Variants in LIPC observed in about 807,000 individuals in gnomAD.
LIPC encodes the protein hepatic triacylglycerol lipase.
A neutral mutation model predicts 50.7 loss-of-function variants in LIPC; 44 were observed. The ratio of observed to expected loss-of-function variants is 0.87; its 90% confidence interval spans 0.68 to 1.11. The LOEUF (loss-of-function observed/expected upper bound fraction) is 1.11, where lower values mean the gene tolerates loss of function less well. LIPC is among the 50% of genes most tolerant of loss of function. The pLI is 0.00. For synonymous variants in LIPC, 271 were observed against 256.4 expected, an observed-to-expected ratio of 1.06 and a Z score of -0.54; for missense variants, 697 against 648.2, an observed-to-expected ratio of 1.08 and a Z score of -0.82.
chr15:58,481,646 A>AT (rs1194674511), intron 1 of LIPC, among the ~76,000 whole-genome samples: 17 of 152,040 alleles, frequency 1.1e-4, no homozygotes, highest in Non-Finnish European at 2.1e-4. Flanking sequence ...CTTCTAAAAA[A>AT]ATATAAAAAT....
intron 1 of LIPC, among the ~76,000 whole-genome samples, chr15:58,520,491 C>T (rs1176394246): frequency 6.6e-6 from 1 of 152,174 alleles, no homozygotes; most frequent in African/African-American, 2.4e-5. Flanking sequence ...GGAGGACTAG[C>T]CTTCGAAACC....
chr15:58,478,209 C>T (rs974179366), intron 1 of LIPC, among the ~76,000 whole-genome samples: 9 of 152,272 alleles, frequency 5.9e-5, no homozygotes, highest in Non-Finnish European at 5.9e-5. Context: ...GAGCCAGACA[C>T]TTCACAAACT....
chr15:58,517,175 T>G (rs1203703816), intron 1 of LIPC, among the ~76,000 whole-genome samples: 1 of 152,246 alleles, frequency 6.6e-6, no homozygotes, highest in Non-Finnish European at 1.5e-5. Context: ...TGAGTAGAAC[T>G]GTTAACTGCC....
rs549126883 is a variant in LIPC at position 58,507,105 on chromosome 15, T to C, written c.89-31228T>C. On this transcript the variant is annotated intron_variant, in intron 1 of 8. Transcript: ENST00000299022. ...TCTTCACCTGGTCCCTCCCAGGACA[T>C]GTGGGGATTATGGGAACTACAATTC... is the stretch of plus-strand genomic sequence containing the variant. Among the ~76,000 whole-genome samples the C allele has an allele frequency of 5.9e-5, 9 of 152,184 alleles. No individual in the cohort carries two copies. The South Asian group carries it at 1.5e-3, about 25-fold the overall frequency.
intron 6 of LIPC, among the ~76,000 whole-genome samples, chr15:58,556,271 G>A (rs866822309): frequency 1.3e-5 from 2 of 152,148 alleles, no homozygotes; most frequent in South Asian, 2.1e-4. Flanking sequence ...CCTAGTGTGT[G>A]CTGTGCCCTT....
intron 6 of LIPC, among the ~76,000 whole-genome samples, chr15:58,551,631 CT>C (rs1179837725): frequency 6.6e-6 from 1 of 152,214 alleles, no homozygotes; most frequent in African/African-American, 2.4e-5. Context: ...TCATAACTGA[CT>C]TGGGCCCCCA....
chr15:58,565,804 G>A, intron 8 of LIPC: 2 of 985,438 alleles, frequency 2.0e-6, no homozygotes, highest in Non-Finnish European at 2.4e-6. Flanking sequence ...CCATCCTTAG[G>A]GCTGTAGGAG....
intron 1 of LIPC, among the ~76,000 whole-genome samples, chr15:58,438,675 G>T (rs1566906646): frequency 6.6e-6 from 1 of 152,166 alleles, no homozygotes; most frequent in Non-Finnish European, 1.5e-5. Flanking sequence ...CAGCCCTGGA[G>T]GAGTCAGGGC....
At chr15:58,532,621 C>G (rs1892993385) in intron 1 of LIPC, among the ~76,000 whole-genome samples, 1 of 152,130 alleles carries the variant, frequency 6.6e-6, no homozygotes, top group Admixed American at 6.5e-5. Flanking sequence ...ACTTGTGTGC[C>G]CAGTACCAGC....
chr15:58,561,867 G>A (rs8026372), intron 7 of LIPC, among the ~76,000 whole-genome samples: 143,990 of 152,178 alleles, frequency 0.95, 68,355 homozygotes, highest in Middle Eastern at 0.99. Flanking sequence ...ATAAAGAGGC[G>A]TGTCCCACCT....
In LIPC at chr15:58,563,695, A is replaced by G; in HGVS notation, c.1360A>G (p.Arg454Gly). ...RHSGLVLKTIRVKAGETQQRM... is the reference protein window; with the variant it reads ...RHSGLVLKTIGVKAGETQQRM... ...CTCAGGCCTCGTTCTGAAGACGATC[A>G]GAGTCAAAGCAGGAGAAACCCAGCA... Residue 454 changes from arginine (R) to glycine (G), a missense_variant, in exon 8 of 9, where the codon AGA becomes GGA. Coordinates refer to ENST00000299022, the MANE Select transcript of LIPC (RefSeq NM_000236.3). The G allele has an allele frequency of 1.9e-6, 3 of 1,613,538 alleles. No individual in the cohort carries two copies. The highest frequency in any genetic ancestry group is 2.5e-6 in the Non-Finnish European group (3 of 1,180,022).
chr15:58,559,470 A>G (rs752765890), intron 6 of LIPC, among the ~76,000 whole-genome samples: 1 of 152,194 alleles, frequency 6.6e-6, no homozygotes, highest in African/African-American at 2.4e-5. Flanking sequence ...CCAGACACTC[A>G]TCTTGCCCCA....
Position 58,548,355 on chromosome 15 carries a change from C to T in LIPC, c.834C>T (p.Ser278=), listed in dbSNP as rs1893610578. The change falls in exon 6 of 9, where the codon TCC becomes TCT. Residue 278 remains serine, a synonymous_variant. Transcript: ENST00000299022. ...CCATCACCCAGACCATAAAATGCTC[C>T]CACGAGCGATCGGTGCACCTTTTCA... ...FNAITQTIKC[S]HERSVHLFID... 1 of 1,614,108 alleles carries T rather than the reference C, an allele frequency of 6.2e-7. No homozygotes were observed. Among genetic ancestry groups the T allele is most frequent in the Non-Finnish European group, 8.5e-7 (1 of 1,180,020 alleles).
chr15:58,471,456 G>C (rs1193138773), intron 1 of LIPC, among the ~76,000 whole-genome samples: 1 of 151,914 alleles, frequency 6.6e-6, no homozygotes, highest in Non-Finnish European at 1.5e-5. Flanking sequence ...CTGATAAGTA[G>C]CTTTAAACAC....
intron 1 of LIPC, among the ~76,000 whole-genome samples, chr15:58,466,063 G>A (rs958548697): frequency 1.2e-4 from 18 of 152,278 alleles, no homozygotes; most frequent in African/African-American, 4.3e-4. Flanking sequence ...CATTATGCCT[G>A]TACTAAACTC....
In LIPC at chr15:58,569,198, T is replaced by A. The variant is rs1170450575; in HGVS notation, c.*371T>A. 1 of 163,172 alleles carries A rather than the reference T, an allele frequency of 6.1e-6. No homozygotes were observed. Among genetic ancestry groups the A allele is most frequent in the African/African-American group, 2.4e-5 (1 of 41,616 alleles). The allele number at this position is 163,172 out of a possible 1,614,324, so 10.1% of individuals were successfully genotyped here. On this transcript the variant is annotated 3_prime_UTR_variant, in exon 9 of 9. Coordinates refer to ENST00000299022, the MANE Select transcript of LIPC (RefSeq NM_000236.3). ...CCATTTTTGAACCATGCTAGAAAGA[T>A]ACTTTTTTATTAGGTAACTAGTGCT...
chr15:58,505,042 A>G (rs1251571064), intron 1 of LIPC, among the ~76,000 whole-genome samples: 2 of 152,254 alleles, frequency 1.3e-5, no homozygotes, highest in African/African-American at 2.4e-5. Context: ...AGGAACCACC[A>G]AGGCAAAGAG....
At chr15:58,513,062 G>T (rs147378236) in intron 1 of LIPC, among the ~76,000 whole-genome samples, 361 of 152,128 alleles carry the variant, frequency 2.4e-3, no homozygotes, top group Non-Finnish European at 3.8e-3. Flanking sequence ...CCCAAAGGAC[G>T]CTCGACCTTT....
Position 58,544,686 on chromosome 15 carries a change from C to T in LIPC, c.575-1056C>T, listed in dbSNP as rs988114927. Among the ~76,000 whole-genome samples, 9 of 152,132 alleles carry T rather than the reference C, an allele frequency of 5.9e-5. No individual in the cohort carries two copies. The East Asian group carries it at 7.7e-4, about 13-fold the overall frequency. On this transcript the variant is annotated intron_variant, in intron 4 of 8. Coordinates refer to ENST00000299022, the MANE Select transcript of LIPC (RefSeq NM_000236.3). ...GCTGGGATTACCAGGCGTGAGCCAC[C>T]GCACCCGGCCAAGGACATTTTTCAT...
Sources: allele counts gnomAD v4.1 joint callset (sites outside exome capture counted in the v4.1 genomes callset), GRCh38; gene constraint gnomAD v4.1.1; transcripts MANE v1.5; gene names NCBI Gene and HGNC (gene_info 2026-07-23, HGNC 2026-07-21).